The following DEPDC5 variants were observed in gnomAD, a reference collection of about 807,000 sequenced individuals.
DEPDC5 encodes GATOR1 complex protein DEPDC5.
DEPDC5 carries 73 observed loss-of-function variants against 217.3 expected under a neutral mutation model. That is an observed-to-expected ratio of 0.34 (90% confidence interval 0.28 to 0.41). The LOEUF (loss-of-function observed/expected upper bound fraction) is 0.41, where lower values mean the gene tolerates loss of function less well. DEPDC5 is among the 10% of genes least tolerant of loss of function. The probability of loss-of-function intolerance (pLI) is 1.00; values close to 1 mark genes in which losing one functional copy is unlikely to be tolerated. For missense variants in DEPDC5, 1,675 were observed against 2,070.1 expected (o/e 0.81, Z 3.70); for synonymous variants, 733 against 756.7 (o/e 0.97, Z 0.51).
At chr22:31,787,382 T>C (rs1291073545) in intron 10 of DEPDC5, among the ~76,000 whole-genome samples, 3 of 152,164 alleles carry the variant, frequency 2.0e-5, no homozygotes, top group African/African-American at 7.2e-5. Context: ...CATGCCTGGC[T>C]GGGAAATTCA....
intron 7 of DEPDC5, among the ~76,000 whole-genome samples, chr22:31,769,996 T>G (rs2083189848): frequency 6.8e-6 from 1 of 148,016 alleles, no homozygotes; most frequent in Non-Finnish European, 1.5e-5. Context: ...GAGGCCAAGG[T>G]GGGCTGAGTG....
chr22:31,898,192 G>A (rs1166581751), intron 40 of DEPDC5, among the ~76,000 whole-genome samples: 1 of 152,158 alleles, frequency 6.6e-6, no homozygotes, highest in Non-Finnish European at 1.5e-5. Context: ...AGCAGGATCA[G>A]AGGATGATAG....
At position 31,833,953 on chromosome 22, in the gene DEPDC5, G is replaced by A. The variant is rs2148924485; in HGVS notation, c.2143G>A (p.Asp715Asn). 1 of 1,613,076 alleles carries A rather than the reference G, an allele frequency of 6.2e-7. No homozygotes were observed. ...GACCCAGAATAAGGATTCTCTAGAG[G>A]ACAGTGTTTCTACCTCTCCAGACCC... ...PRTQNKDSLE[D>N]SVSTSPDPIL... The change falls in exon 25 of 43, where the codon GAC becomes AAC. Residue 715 changes from aspartate (D) to asparagine (N), a missense_variant. By Grantham distance (23) the Asp-to-Asn change is conservative (BLOSUM62 1). Around this residue, in one of 11 missense-constraint regions of DEPDC5, gnomAD observed 136 missense variants for 132.2 expected, o/e 1.03. Transcript: ENST00000651528.
At chr22:31,858,149 C>T (rs1334003821) in intron 32 of DEPDC5, 4 of 152,204 alleles carry the variant, frequency 2.6e-5, no homozygotes, top group Admixed American at 1.3e-4. Flanking sequence ...TTTTCCTTCA[C>T]CCTCATCTTT....
chr22:31,781,343 C>T (rs768573863), intron 8 of DEPDC5, among the ~76,000 whole-genome samples: 2 of 151,944 alleles, frequency 1.3e-5, no homozygotes, highest in Non-Finnish European at 2.9e-5. Flanking sequence ...TTCAGGGGTC[C>T]TTCCTGGGCT....
intron 8 of DEPDC5, among the ~76,000 whole-genome samples, chr22:31,780,719 C>T (rs149611874): frequency 6.6e-6 from 1 of 152,324 alleles, no homozygotes; most frequent in East Asian, 1.9e-4. Context: ...CCATGGCACC[C>T]TGGATCTGTG....
At chr22:31,860,340 C>T (rs1362939931) in intron 32 of DEPDC5, among the ~76,000 whole-genome samples, 4 of 152,126 alleles carry the variant, frequency 2.6e-5, no homozygotes, top group South Asian at 2.1e-4. Flanking sequence ...CAGTCACTTA[C>T]GGGAAGTGGC....
intron 21 of DEPDC5, chr22:31,816,120 T>C: frequency 6.3e-6 from 4 of 633,224 alleles, no homozygotes; most frequent in Non-Finnish European, 7.9e-6. Flanking sequence ...GTCAACATGG[T>C]GAAACGCCGT....
intron 10 of DEPDC5, among the ~76,000 whole-genome samples, chr22:31,787,224 A>G (rs1219552359): frequency 6.6e-6 from 1 of 151,958 alleles, no homozygotes; most frequent in Admixed American, 6.6e-5. Flanking sequence ...CTGAGACTAC[A>G]GGCATTTGCT....
chr22:31,843,701 C>T lies in DEPDC5; in HGVS notation c.2690C>T (p.Ser897Leu), dbSNP rs371496533. ...HYTYSLCPSHSDSEFVSCWVE... is the reference protein window; with the variant it reads ...HYTYSLCPSHLDSEFVSCWVE... ...ACCTACAGCCTCTGTCCTTCCCACT[C>T]AGACTCAGAGTTCGTCTCCTGCTGG... The change falls in exon 29 of 43, where the codon TCA becomes TTA. Residue 897 changes from serine (S) to leucine (L), a missense_variant. By Grantham distance (145) the Ser-to-Leu change is moderately radical (BLOSUM62 -2). Coordinates refer to ENST00000651528, the MANE Select transcript of DEPDC5 (RefSeq NM_001242896.3). The T allele has an allele frequency of 3.2e-5, 51 of 1,614,026 alleles. No homozygotes were observed. The highest frequency in any genetic ancestry group is 4.2e-5 in the Non-Finnish European group (49 of 1,179,946).
rs376838464 is a variant in DEPDC5 at position 31,906,286 on chromosome 22, C to G, written c.4601C>G (p.Thr1534Ser). Residue 1534 changes from threonine to serine, a missense_variant, in exon 43 of 43, where the codon ACC (threonine) becomes AGC (serine). Thr to Ser is a moderately conservative substitution (Grantham distance 58). Around this residue, in one of 11 missense-constraint regions of DEPDC5, gnomAD observed 42 missense variants for 27.7 expected, o/e 1.51. Coordinates refer to ENST00000651528, the MANE Select transcript of DEPDC5 (RefSeq NM_001242896.3). The surrounding 1 kb of genome is among the most constrained non-coding windows in gnomAD (Gnocchi z 5.1). The stretch of plus-strand genomic sequence containing the variant: ...CGGCGGCGGAACTCCACCAGCTCCA[C>G]CAACCAGAACATGTTCTGCGAGGAG... Reference protein sequence around the residue: ...QRRRRNSTSSTNQNMFCEERV... With the variant: ...QRRRRNSTSSSNQNMFCEERV... The G allele has an allele frequency of 2.5e-5, 40 of 1,613,854 alleles. No individual in the cohort carries two copies. The highest frequency in any genetic ancestry group is 3.3e-5 in the Non-Finnish European group (39 of 1,179,954).
intron 36 of DEPDC5, among the ~76,000 whole-genome samples, chr22:31,874,763 G>T (rs779314807): frequency 7.2e-5 from 11 of 152,118 alleles, no homozygotes; most frequent in Non-Finnish European, 1.2e-4. Flanking sequence ...CTCAATGCTG[G>T]ATTCAAGGCT....
chr22:31,876,735 A>G (rs112859461), intron 37 of DEPDC5, among the ~76,000 whole-genome samples: 4 of 152,252 alleles, frequency 2.6e-5, no homozygotes, highest in African/African-American at 9.6e-5. Context: ...TATTTTAAGT[A>G]TCTGTGGGGT....
chr22:31,902,433 T>TAC (rs2093667601), intron 41 of DEPDC5, among the ~76,000 whole-genome samples: 1 of 130,288 alleles, frequency 7.7e-6, no homozygotes. Flanking sequence ...TATATATATA[T>TAC]ATACTTATAT....
intron 16 of DEPDC5, 147 bp from the exon 17 acceptor site, chr22:31,804,695 C>A: frequency 1.4e-6 from 1 of 733,228 alleles, no homozygotes; most frequent in Non-Finnish European, 2.3e-6. Flanking sequence ...CCGCCTTGGC[C>A]TCCCAAATTG....
chr22:31,874,595 CT>C (rs1468600327), intron 36 of DEPDC5, among the ~76,000 whole-genome samples, 190 bp downstream of exon 36: 1 of 152,148 alleles, frequency 6.6e-6, no homozygotes, highest in African/African-American at 2.4e-5. Context: ...TGTATCTTGA[CT>C]TAAAAACCGT....
chr22:31,762,500 A>T (rs892513235), intron 4 of DEPDC5, among the ~76,000 whole-genome samples: 4 of 152,210 alleles, frequency 2.6e-5, no homozygotes, highest in Non-Finnish European at 5.9e-5. Context: ...GCAGTGGCTG[A>T]CGCCTGTAAT....
intron 38 of DEPDC5, among the ~76,000 whole-genome samples, chr22:31,888,039 T>C (rs1388749881): frequency 6.6e-6 from 1 of 152,118 alleles, no homozygotes; most frequent in Non-Finnish European, 1.5e-5. Flanking sequence ...GAAGTTAGCA[T>C]TGGAAGTCTG....
At chr22:31,865,048 A>G (rs1001082080) in intron 33 of DEPDC5, among the ~76,000 whole-genome samples, 5 of 141,280 alleles carry the variant, frequency 3.5e-5, no homozygotes, top group African/African-American at 1.6e-4. Context: ...CTGGTCTCGA[A>G]CTCCTGACCT....
Sources: allele counts gnomAD v4.1 joint callset (sites outside exome capture counted in the v4.1 genomes callset), GRCh38; gene constraint gnomAD v4.1.1; regional missense constraint gnomAD v4.1.1; non-coding constraint Gnocchi (gnomAD v3.1); transcripts MANE v1.5; gene names NCBI Gene and HGNC (gene_info 2026-07-23, HGNC 2026-07-21).